The following MAP2 variants were observed in gnomAD, a reference collection of about 807,000 sequenced individuals.
MAP2 encodes the protein microtubule associated protein 2.
MAP2 carries 14 observed loss-of-function variants against 137.6 expected under a neutral mutation model. That is an observed-to-expected ratio of 0.10 (90% CI 0.07 to 0.16). The LOEUF (loss-of-function observed/expected upper bound fraction) is 0.16. Among genes scored for constraint, MAP2 ranks in the 10% least tolerant of loss-of-function variants. MAP2 has a pLI of 1.00. For missense variants in MAP2, 2,088 were observed against 2,191.5 expected (o/e 0.95, Z 0.94); for synonymous variants, 786 against 782.3 (o/e 1.00, Z -0.08).
At chr2:209,685,244 A>T (rs2056566920) in intron 7 of MAP2, among the ~76,000 whole-genome samples, 1 of 152,138 alleles carries the variant, frequency 6.6e-6, no homozygotes, top group Non-Finnish European at 1.5e-5. Flanking sequence ...AATGAGAGTT[A>T]TTTGTTACAA....
chr2:209,455,640 G>A (rs915800585), intron 1 of MAP2, among the ~76,000 whole-genome samples: 7 of 152,026 alleles, frequency 4.6e-5, no homozygotes, highest in African/African-American at 1.4e-4. Flanking sequence ...TAAAAAACAC[G>A]GCTTCATGTT....
At position 209,600,070 on chromosome 2, in the gene MAP2, C is replaced by T. The variant is rs544939672; in HGVS notation, c.-107+19970C>T. Among the ~76,000 whole-genome samples, 12 of 152,242 alleles carry T rather than the reference C, an allele frequency of 7.9e-5. No individual in the cohort carries two copies. In the South Asian group the frequency reaches 2.3e-3, roughly 29 times the overall value. Reference sequence around the variant, plus strand: ...AAAGTTTGATAAAGACAAAGCCTATCATTAAACAAAAGCTAAGACCTATAA... The same window carrying T: ...AAAGTTTGATAAAGACAAAGCCTATTATTAAACAAAAGCTAAGACCTATAA... On this transcript the variant is annotated intron_variant, in intron 3 of 15. Transcript: ENST00000682079.
At chr2:209,607,720 C>T (rs765003525) in intron 3 of MAP2, among the ~76,000 whole-genome samples, 34 of 152,332 alleles carry the variant, frequency 2.2e-4, no homozygotes, top group African/African-American at 7.2e-4. Context: ...CAGGCATGAG[C>T]GACTGTGCCC....
intron 4 of MAP2, among the ~76,000 whole-genome samples, chr2:209,637,595 G>A (rs1444091385): frequency 2.0e-5 from 3 of 152,062 alleles, no homozygotes; most frequent in Non-Finnish European, 2.9e-5. Context: ...AGTCCACAGT[G>A]GCCCTTTTAA....
intron 1 of MAP2, among the ~76,000 whole-genome samples, chr2:209,479,507 G>A (rs1708215221): frequency 6.6e-6 from 1 of 152,032 alleles, no homozygotes; most frequent in Non-Finnish European, 1.5e-5. Flanking sequence ...AGAATGAGCT[G>A]GAAATCGGAA....
At position 209,530,439 on chromosome 2, in the gene MAP2, G is replaced by A. The variant is rs188916207; in HGVS notation, c.-172+22798G>A. On this transcript the variant is annotated intron_variant, in intron 2 of 15. Coordinates refer to ENST00000682079, the MANE Select transcript of MAP2 (RefSeq NM_001375505.1). Reference sequence around the variant, plus strand: ...TTTGGCTTCTGCTGCATGAGAATTAGCCCTATTTATTTTGTTAATCAGAGG... The same window carrying A: ...TTTGGCTTCTGCTGCATGAGAATTAACCCTATTTATTTTGTTAATCAGAGG... Among the ~76,000 whole-genome samples the A allele has an allele frequency of 1.3e-3, 205 of 152,274 alleles. 1 individual carries two copies. The highest frequency in any genetic ancestry group is 3.7e-3 in the African/African-American group (154 of 41,560).
chr2:209,433,330 G>A (rs944944093), intron 1 of MAP2, among the ~76,000 whole-genome samples: 12 of 152,078 alleles, frequency 7.9e-5, no homozygotes, highest in Admixed American at 2.6e-4. Flanking sequence ...AGTAGTACCC[G>A]GAGGAAAAGC....
intron 11 of MAP2, chr2:209,703,968 T>C (rs766771919): frequency 5.1e-5 from 23 of 455,354 alleles, no homozygotes; most frequent in Non-Finnish European, 8.8e-5. Context: ...AACAGATTTT[T>C]TATTTTATTT....
At chr2:209,648,621 C>CAAAAAAAAA (rs1228232293) in intron 4 of MAP2, among the ~76,000 whole-genome samples, 385 of 48,392 alleles carry the variant, frequency 8.0e-3, no homozygotes, top group Middle Eastern at 0.014. Flanking sequence ...ACTAAAAATA[C>CAAAAAAAAA]AAAAAAAAAA....
intron 2 of MAP2, among the ~76,000 whole-genome samples, chr2:209,514,938 G>A (rs193165673): frequency 4.0e-4 from 61 of 152,206 alleles, no homozygotes; most frequent in African/African-American, 1.4e-3. Context: ...TTTACTTTTA[G>A]GAATGCCTTC....
chr2:209,722,123 G>T (rs2071349396), intron 13 of MAP2: 1 of 152,170 alleles, frequency 6.6e-6, no homozygotes, highest in Admixed American at 6.5e-5. Flanking sequence ...CATTTATAGT[G>T]CAACTACACT....
chr2:209,707,656 A>C (rs908461411), intron 12 of MAP2, among the ~76,000 whole-genome samples: 2 of 152,200 alleles, frequency 1.3e-5, no homozygotes, highest in Non-Finnish European at 2.9e-5. Flanking sequence ...TAACCTCTTC[A>C]AGTTCAGAAC....
At chr2:209,483,904 T>A (rs1442254040) in intron 1 of MAP2, among the ~76,000 whole-genome samples, 27 of 152,150 alleles carry the variant, frequency 1.8e-4, no homozygotes, top group Admixed American at 1.2e-3. Flanking sequence ...GAAATTTTCT[T>A]AGAGGCCTCA....
Position 209,694,763 on chromosome 2 carries a change from G to A in MAP2, c.2593G>A (p.Glu865Lys), listed in dbSNP as rs188844755. 4.3e-5 allele frequency: 70 copies of A among 1,614,130 alleles called. No individual in the cohort carries two copies. The Admixed American group carries it at 9.7e-4, about 22-fold the overall frequency. The part of the protein sequence containing the change: ...HVIVKTDSQL[E>K]DLGYCVFNKY... ...CATTGTAAAAACGGACAGTCAGCTC[G>A]AAGACCTGGGCTACTGTGTGTTCAA... The change falls in exon 8 of 16, where the codon GAA (glutamate) becomes AAA (lysine). Residue 865 changes from glutamate to lysine, a missense_variant. This residue lies in a region of MAP2 where 500 missense variants were observed against 482.9 expected (regional missense o/e 1.04). Coordinates refer to ENST00000682079, the MANE Select transcript of MAP2 (RefSeq NM_001375505.1).
chr2:209,709,510 T>G (rs2064681150), intron 12 of MAP2, among the ~76,000 whole-genome samples: 1 of 152,168 alleles, frequency 6.6e-6, no homozygotes, highest in Non-Finnish European at 1.5e-5. Context: ...GAGGAATGAA[T>G]GATCTACATA....
intron 3 of MAP2, among the ~76,000 whole-genome samples, chr2:209,592,829 CTCT>C: frequency 6.6e-6 from 1 of 152,120 alleles, no homozygotes; most frequent in Non-Finnish European, 1.5e-5. Flanking sequence ...TTGTGGTTTG[CTCT>C]TCTTTGATAT....
At position 209,730,783 on chromosome 2, in the gene MAP2, A is replaced by AT. The variant is rs557580848; in HGVS notation, c.*387dup. The AT allele has an allele frequency of 1.2e-3, 202 of 164,778 alleles. 1 individual carries two copies. The highest frequency in any genetic ancestry group is 4.5e-3 in the African/African-American group (190 of 41,800). 10.2% of individuals were successfully genotyped at this position (164,778 alleles called of 1,614,324 possible). ...CACTATTCTGTTTCTGAGTGAGAAG[A>AT]TAAAAACTGCCCATTGTAACTTATT... On this transcript the variant is annotated 3_prime_UTR_variant, in exon 16 of 16. Transcript: ENST00000682079.
chr2:209,696,637 A>G lies in MAP2; in HGVS notation c.4276A>G (p.Arg1426Gly). The G allele has an allele frequency of 6.2e-7, 1 of 1,613,966 alleles. No individual in the cohort carries two copies. The highest frequency in any genetic ancestry group is 8.5e-7 in the Non-Finnish European group (1 of 1,179,906). ...EARRSSLEKH[R>G]KEKPFKTGRG... ...TCGGAGATCATCTCTTGAGAAACAT[A>G]GAAAAGAAAAGCCTTTTAAAACCGG... Residue 1426 changes from arginine (R) to glycine (G), a missense_variant, in exon 9 of 16, where the codon AGA (arginine) becomes GGA (glycine). This residue lies in a region of MAP2 where 591 missense variants were observed against 642.6 expected (regional missense o/e 0.92). Coordinates refer to ENST00000682079, the MANE Select transcript of MAP2 (RefSeq NM_001375505.1).
At chr2:209,561,027 C>T (rs1195728614) in intron 2 of MAP2, among the ~76,000 whole-genome samples, 1 of 152,084 alleles carries the variant, frequency 6.6e-6, no homozygotes, top group African/African-American at 2.4e-5. Context: ...TAATTCTTTT[C>T]TTTATATCTT....
Sources: allele counts gnomAD v4.1 joint callset (sites outside exome capture counted in the v4.1 genomes callset), GRCh38; gene constraint gnomAD v4.1.1; regional missense constraint gnomAD v4.1.1; transcripts MANE v1.5; gene names NCBI Gene and HGNC (gene_info 2026-07-23, HGNC 2026-07-21).